The following TMPRSS15 variants were observed in gnomAD, a reference collection of about 807,000 sequenced individuals.
TMPRSS15 encodes enteropeptidase.
Under a neutral mutation model 125.3 loss-of-function variants are expected in TMPRSS15, and 128 were observed. That is an observed-to-expected ratio of 1.02 (90% CI 0.89 to 1.18). The LOEUF is 1.18. Among genes scored for constraint, TMPRSS15 ranks in the 50% most tolerant of loss-of-function variants. TMPRSS15 has a pLI of 0.00. For synonymous variants in TMPRSS15, 446 were observed against 423.2 expected (o/e 1.05, Z -0.66); for missense variants, 1,283 against 1,212.7 (o/e 1.06, Z -0.86).
At chr21:18,440,922 A>T (rs1402979341) in intron 1 of TMPRSS15, among the ~76,000 whole-genome samples, 1 of 152,202 alleles carries the variant, frequency 6.6e-6, no homozygotes, top group Non-Finnish European at 1.5e-5. Context: ...CAGAATGATC[A>T]ACCTACTAAC....
intron 16 of TMPRSS15, among the ~76,000 whole-genome samples, chr21:18,316,055 G>A (rs558228049): frequency 9.9e-5 from 15 of 151,534 alleles, no homozygotes; most frequent in Non-Finnish European, 2.1e-4. Flanking sequence ...TAATAAACAT[G>A]AGTCCTTTGC....
intron 8 of TMPRSS15, among the ~76,000 whole-genome samples, chr21:18,359,371 G>T (rs1206038582): frequency 6.6e-6 from 1 of 152,022 alleles, no homozygotes; most frequent in East Asian, 1.9e-4. Flanking sequence ...CATAAAAAAT[G>T]ACAGAACCTC....
chr21:18,451,588 C>G (rs957637051), intron 1 of TMPRSS15, among the ~76,000 whole-genome samples: 2 of 152,044 alleles, frequency 1.3e-5, no homozygotes, highest in African/African-American at 4.8e-5. Flanking sequence ...GCAGAAGAGC[C>G]CTGTGTGCTT....
intron 3 of TMPRSS15, among the ~76,000 whole-genome samples, chr21:18,396,498 G>A (rs1289085284): frequency 5.3e-5 from 8 of 152,086 alleles, no homozygotes; most frequent in African/African-American, 1.7e-4. Flanking sequence ...CTTACAGCTG[G>A]GCGCTGTGGC....
intron 1 of TMPRSS15, among the ~76,000 whole-genome samples, chr21:18,451,866 A>C (rs1205373871): frequency 1.3e-5 from 2 of 151,242 alleles, no homozygotes; most frequent in African/African-American, 4.9e-5. Context: ...CAAAGTTCAC[A>C]GTCATGGCAT....
intron 4 of TMPRSS15, among the ~76,000 whole-genome samples, chr21:18,381,289 G>GT (rs1018235305): frequency 6.6e-6 from 1 of 152,050 alleles, no homozygotes; most frequent in African/African-American, 2.4e-5. Context: ...ACCTATTGAA[G>GT]TTTTGTAAAT....
chr21:18,331,872 A>G (rs1310276399), intron 14 of TMPRSS15, among the ~76,000 whole-genome samples: 1 of 152,190 alleles, frequency 6.6e-6, no homozygotes, highest in African/African-American at 2.4e-5. Context: ...AATAATGTAT[A>G]TTGGGCATTA....
chr21:18,463,246 C>CAA (rs2122910995), intron 1 of TMPRSS15, among the ~76,000 whole-genome samples: 263 of 11,522 alleles, frequency 0.023, 97 homozygotes, highest in Admixed American at 0.036. Context: ...AAATGGAAAG[C>CAA]AAAAAAAAAA....
intron 4 of TMPRSS15, among the ~76,000 whole-genome samples, chr21:18,381,960 T>C (rs2075896891): frequency 6.6e-6 from 1 of 152,064 alleles, no homozygotes; most frequent in African/African-American, 2.4e-5. Context: ...AACCTGTATA[T>C]GTACCCTGAA....
At chr21:18,357,164 C>T (rs1035387354) in intron 8 of TMPRSS15, among the ~76,000 whole-genome samples, 2 of 151,866 alleles carry the variant, frequency 1.3e-5, no homozygotes, top group East Asian at 3.9e-4. Context: ...CGTCTTCTAC[C>T]CCTTTCATAT....
chr21:18,393,534 T>A (rs1786481664), intron 3 of TMPRSS15, among the ~76,000 whole-genome samples: 1 of 152,084 alleles, frequency 6.6e-6, no homozygotes, highest in African/African-American at 2.4e-5. Flanking sequence ...CTGTGAGCAT[T>A]CCAGCTCAAA....
intron 10 of TMPRSS15, among the ~76,000 whole-genome samples, chr21:18,351,496 A>G (rs2075568301): frequency 6.6e-6 from 1 of 152,140 alleles, no homozygotes; most frequent in South Asian, 2.1e-4. Context: ...TGCCGTTCTC[A>G]TAATGGTGAG....
chr21:18,280,796 C>CTGT (rs1239504422), intron 22 of TMPRSS15, among the ~76,000 whole-genome samples: 2 of 152,056 alleles, frequency 1.3e-5, no homozygotes, highest in African/African-American at 4.8e-5. Context: ...TTTGAGTTTA[C>CTGT]TGTTATACAG....
intron 13 of TMPRSS15, among the ~76,000 whole-genome samples, chr21:18,339,246 T>C (rs114684451): frequency 0.027 from 4,148 of 152,276 alleles, 171 homozygotes; most frequent in African/African-American, 0.094. Flanking sequence ...ATACACAAGA[T>C]AGTAAAAGCA....
intron 18 of TMPRSS15, among the ~76,000 whole-genome samples, chr21:18,303,714 T>G (rs1400947079): frequency 1.3e-5 from 2 of 152,152 alleles, no homozygotes; most frequent in Non-Finnish European, 2.9e-5. Context: ...TACCTATACA[T>G]TACAGATAAT....
At chr21:18,294,712 A>G in intron 19 of TMPRSS15, 60 bp from the exon 20 acceptor site, 1 of 1,421,584 alleles carries the variant, frequency 7.0e-7, no homozygotes, top group Admixed American at 1.7e-5. Flanking sequence ...CAAGTCAAAC[A>G]TCATATAGGT....
intron 1 of TMPRSS15, among the ~76,000 whole-genome samples, chr21:18,485,246 C>T (rs1979056792): frequency 6.6e-6 from 1 of 151,810 alleles, no homozygotes. Flanking sequence ...ATCCTATGTA[C>T]ACAAATAATT....
At chr21:18,407,443 CTTTTCTTTTTTTT>C (rs1569062706), upstream of TMPRSS15, among the ~76,000 whole-genome samples, 2 of 116,160 alleles carry the variant, frequency 1.7e-5, no homozygotes, top group Admixed American at 9.2e-5. Context: ...TTCTTTTTTT[CTTTTCTTTTTTTT>C]TTTTTTTTTT....
At chr21:18,282,097 CAAAAAAA>C (rs954911028) in intron 21 of TMPRSS15, among the ~76,000 whole-genome samples, 263 of 24,962 alleles carry the variant, frequency 0.011, 2 homozygotes, top group African/African-American at 0.022. Flanking sequence ...GACTCCGCCT[CAAAAAAA>C]AAAAAAAAAA....
Sources: gnomAD v4.1 joint callset for allele counts (sites outside exome capture counted in the v4.1 genomes callset) on GRCh38, gnomAD v4.1.1 for gene constraint, MANE v1.5 for transcripts, NCBI Gene and HGNC (gene_info 2026-07-23, HGNC 2026-07-21) for gene names.